The following INPP4B variants were observed in gnomAD, a reference collection of about 807,000 sequenced individuals.
INPP4B encodes inositol polyphosphate 4-phosphatase type II.
A neutral mutation model predicts 122.5 loss-of-function variants in INPP4B; 55 were observed. That is an observed-to-expected ratio of 0.45 (90% CI 0.36 to 0.56). INPP4B has a LOEUF of 0.56. Among genes scored for constraint, INPP4B ranks in the 20% least tolerant of loss-of-function variants. INPP4B has a pLI of 0.00. For missense variants in INPP4B, 1,000 were observed against 1,097.7 expected (o/e 0.91, Z 1.26); for synonymous variants, 403 against 388.7 (o/e 1.04, Z -0.43).
chr4:142,470,267 G>T (rs1818575055), intron 2 of INPP4B, among the ~76,000 whole-genome samples: 1 of 151,914 alleles, frequency 6.6e-6, no homozygotes, highest in African/African-American at 2.4e-5. Context: ...AATATCAAAT[G>T]AGAAATATTT....
At chr4:142,529,390 C>A (rs1014031842) in intron 2 of INPP4B, among the ~76,000 whole-genome samples, 1 of 151,906 alleles carries the variant, frequency 6.6e-6, no homozygotes, top group Admixed American at 6.6e-5. Context: ...CAACAAATTG[C>A]AACTGTTTGA....
Position 142,270,867 on chromosome 4 carries a change from T to C in INPP4B, c.504-93A>G, listed in dbSNP as rs1040110552. On this transcript the variant is annotated intron_variant, in intron 9 of 25. Coordinates refer to ENST00000262992, the MANE Select transcript of INPP4B (RefSeq NM_001101669.3). ...CATTTGTTTCTGAAAACCACCAGCA[T>C]TGTTATTTACTTAATAAGACAACAT... 2.0e-5 allele frequency: 16 copies of C among 806,750 alleles called. No homozygotes were observed. The African/African-American group carries it at 2.4e-4, about 12-fold the overall frequency. The allele number at this position is 806,750 out of a possible 1,614,324, so 50.0% of individuals were successfully genotyped here.
intron 23 of INPP4B, among the ~76,000 whole-genome samples, chr4:142,097,175 A>T (rs1782176418): frequency 6.6e-6 from 1 of 151,524 alleles, no homozygotes; most frequent in Non-Finnish European, 1.5e-5. Flanking sequence ...TTTTGTAAAT[A>T]CATTTTTATT....
At chr4:142,417,367 T>C (rs948755357) in intron 5 of INPP4B, among the ~76,000 whole-genome samples, 1 of 152,160 alleles carries the variant, frequency 6.6e-6, no homozygotes, top group Non-Finnish European at 1.5e-5. Context: ...TTGAGGGCCA[T>C]AGATTCAGTC....
At chr4:142,115,499 C>A (rs1041781703) in intron 21 of INPP4B, among the ~76,000 whole-genome samples, 22 of 152,058 alleles carry the variant, frequency 1.4e-4, no homozygotes, top group African/African-American at 4.6e-4. Flanking sequence ...ATAGTGGGGG[C>A]CAATATTCAA....
At chr4:142,705,421 C>T (rs1479611055) in intron 2 of INPP4B, among the ~76,000 whole-genome samples, 1 of 151,186 alleles carries the variant, frequency 6.6e-6, no homozygotes, top group Non-Finnish European at 1.5e-5. Context: ...TATCATCCTT[C>T]TCTTCCTACC....
chr4:142,598,438 G>C (rs549394970), intron 2 of INPP4B, among the ~76,000 whole-genome samples: 1 of 152,258 alleles, frequency 6.6e-6, no homozygotes, highest in South Asian at 2.1e-4. Context: ...GCCATCACAG[G>C]ACAGAATCCA....
intron 7 of INPP4B, among the ~76,000 whole-genome samples, chr4:142,345,522 A>C (rs1489968585): frequency 6.6e-6 from 1 of 151,994 alleles, no homozygotes; most frequent in African/African-American, 2.4e-5. Flanking sequence ...TAGTTATATC[A>C]CTCAATGTGC....
chr4:142,154,496 T>C (rs1275777772), intron 17 of INPP4B, among the ~76,000 whole-genome samples: 6 of 152,090 alleles, frequency 3.9e-5, no homozygotes, highest in Admixed American at 3.9e-4. Context: ...ACAGAGTTGA[T>C]TAAGACACTA....
intron 2 of INPP4B, among the ~76,000 whole-genome samples, chr4:142,522,530 T>C (rs1193190592): frequency 6.6e-6 from 1 of 151,924 alleles, no homozygotes; most frequent in Non-Finnish European, 1.5e-5. Flanking sequence ...TATTTCTTGG[T>C]TAATCTATCC....
intron 5 of INPP4B, among the ~76,000 whole-genome samples, chr4:142,425,696 G>A (rs182380470): frequency 1.2e-3 from 179 of 151,824 alleles, no homozygotes; most frequent in Middle Eastern, 6.8e-3. Flanking sequence ...TCTCTCTTTC[G>A]CCCAAGTCAA....
At chr4:142,559,446 C>A (rs527708966) in intron 2 of INPP4B, among the ~76,000 whole-genome samples, 1 of 152,100 alleles carries the variant, frequency 6.6e-6, no homozygotes, top group South Asian at 2.1e-4. Context: ...ACTTGAAATT[C>A]ATTTAAAAAA....
chr4:142,597,356 T>C (rs1344070923), intron 2 of INPP4B, among the ~76,000 whole-genome samples: 1 of 152,226 alleles, frequency 6.6e-6, no homozygotes, highest in Non-Finnish European at 1.5e-5. Context: ...CACCAGTTAC[T>C]GGGGGTAGGG....
At chr4:142,330,383 G>C (rs1261553683) in intron 7 of INPP4B, among the ~76,000 whole-genome samples, 1 of 152,154 alleles carries the variant, frequency 6.6e-6, no homozygotes, top group Non-Finnish European at 1.5e-5. Flanking sequence ...GGTTTTTTAA[G>C]TTAAAGTTGT....
intron 2 of INPP4B, among the ~76,000 whole-genome samples, chr4:142,609,967 C>G (rs996430997): frequency 2.0e-5 from 3 of 152,192 alleles, no homozygotes; most frequent in African/African-American, 7.2e-5. Flanking sequence ...ATGGTAGCCA[C>G]TACCCATATC....
chr4:142,202,832 A>C, intron 14 of INPP4B: 1 of 946,284 alleles, frequency 1.1e-6, no homozygotes, highest in Non-Finnish European at 1.3e-6. Flanking sequence ...TGTTTCACTC[A>C]TGCAAACTAA....
At chr4:142,668,818 G>A (rs187876023) in intron 2 of INPP4B, among the ~76,000 whole-genome samples, 7 of 152,198 alleles carry the variant, frequency 4.6e-5, no homozygotes, top group Admixed American at 4.6e-4. Flanking sequence ...GGAGGCCGAG[G>A]TGGGCAGATC....
chr4:142,198,154 T>G (rs1390120749), intron 14 of INPP4B, among the ~76,000 whole-genome samples: 2 of 149,406 alleles, frequency 1.3e-5, no homozygotes, highest in African/African-American at 4.9e-5. Context: ...ATAAAAAAAA[T>G]GATTAAACTG....
At chr4:142,081,864 C>G (rs985347872) in intron 25 of INPP4B, among the ~76,000 whole-genome samples, 167 bp downstream of exon 25, 1 of 151,666 alleles carries the variant, frequency 6.6e-6, no homozygotes, top group Admixed American at 6.6e-5. Context: ...AATCATTATA[C>G]AGGTGGAGAA....
Sources: allele counts gnomAD v4.1 joint callset (sites outside exome capture counted in the v4.1 genomes callset), GRCh38; gene constraint gnomAD v4.1.1; transcripts MANE v1.5; gene names NCBI Gene and HGNC (gene_info 2026-07-23, HGNC 2026-07-21).